Variants in RORA observed in about 807,000 individuals in gnomAD.
RORA encodes RAR related orphan receptor A.
Under a neutral mutation model 69.5 loss-of-function variants are expected in RORA, and 7 were observed. That is an observed-to-expected ratio of 0.10 (90% CI 0.06 to 0.19). The LOEUF is 0.19. Among genes scored for constraint, RORA ranks in the 10% least tolerant of loss-of-function variants. The pLI is 1.00. For missense variants in RORA, 457 were observed against 663.0 expected, an observed-to-expected ratio of 0.69 and a Z score of 3.41; for synonymous variants, 261 against 240.8, an observed-to-expected ratio of 1.08 and a Z score of -0.78.
chr15:61,124,775 ACCCCT>A (rs1397262979), intron 1 of RORA, among the ~76,000 whole-genome samples: 2 of 152,074 alleles, frequency 1.3e-5, no homozygotes, highest in Non-Finnish European at 2.9e-5. Context: ...CAAAGACTGA[ACCCCT>A]CTCTGAGCCT....
chr15:60,978,984 C>T (rs1479197071), intron 1 of RORA, among the ~76,000 whole-genome samples: 6 of 10,530 alleles, frequency 5.7e-4, no homozygotes, highest in Non-Finnish European at 1.5e-3. Flanking sequence ...TTTTTTGAGA[C>T]GGAGTCTTGC....
At chr15:60,791,615 G>A (rs113537033) in intron 1 of RORA, among the ~76,000 whole-genome samples, 6 of 152,364 alleles carry the variant, frequency 3.9e-5, no homozygotes, top group African/African-American at 1.4e-4. Context: ...GGGAACTGCA[G>A]AGGCAGCAAG....
chr15:61,178,930 T>A (rs939982889), intron 1 of RORA, among the ~76,000 whole-genome samples: 3 of 152,240 alleles, frequency 2.0e-5, no homozygotes, highest in African/African-American at 7.2e-5. Context: ...CATTATTTAA[T>A]GTTTTAACAT....
chr15:60,869,902 C>G (rs908199436), intron 1 of RORA, among the ~76,000 whole-genome samples: 1 of 152,162 alleles, frequency 6.6e-6, no homozygotes, highest in African/African-American at 2.4e-5. Flanking sequence ...GAGGAGGCAA[C>G]TTGACTAGGA....
Position 60,569,163 on chromosome 15 carries a change from C to G in RORA, c.197-37312G>C, listed in dbSNP as rs2067803687. On this transcript the variant is annotated intron_variant, in intron 2 of 10. Coordinates refer to ENST00000335670, the MANE Select transcript of RORA (RefSeq NM_134261.3). ...GAAAGTGCCTTGTTCATTTTGCACT[C>G]CTTCTCAAAAGAAACCACTGAGGTG... is the stretch of plus-strand genomic sequence containing the variant. Among the ~76,000 whole-genome samples, 5 of 151,816 alleles carry G rather than the reference C, an allele frequency of 3.3e-5. No homozygotes were observed. The South Asian group carries it at 8.4e-4, about 25-fold the overall frequency.
intron 1 of RORA, among the ~76,000 whole-genome samples, chr15:60,865,533 C>T (rs1173261823): frequency 6.6e-6 from 1 of 152,166 alleles, no homozygotes; most frequent in Non-Finnish European, 1.5e-5. Flanking sequence ...ACCTCAATGC[C>T]CTGCTGTTAC....
chr15:60,758,657 T>A (rs2071837311), intron 1 of RORA, among the ~76,000 whole-genome samples: 1 of 152,184 alleles, frequency 6.6e-6, no homozygotes, highest in Non-Finnish European at 1.5e-5. Context: ...AAAGTGGTGA[T>A]GATCAAGTGA....
At chr15:60,816,753 T>A (rs2072822508) in intron 1 of RORA, among the ~76,000 whole-genome samples, 1 of 151,712 alleles carries the variant, frequency 6.6e-6, no homozygotes, top group African/African-American at 2.4e-5. Context: ...TAAAATAAAA[T>A]AAAATAAAGT....
At chr15:60,577,644 CAAAAA>C (rs34467661) in intron 2 of RORA, among the ~76,000 whole-genome samples, 3 of 104,770 alleles carry the variant, frequency 2.9e-5, no homozygotes, top group Non-Finnish European at 6.0e-5. Context: ...ACTCTGTTTC[CAAAAA>C]AAAAAAAAAA....
At chr15:60,912,987 CATAAT>C (rs1222335965) in intron 1 of RORA, among the ~76,000 whole-genome samples, 5 of 151,968 alleles carry the variant, frequency 3.3e-5, no homozygotes, top group Admixed American at 2.6e-4. Flanking sequence ...CAACCATTAC[CATAAT>C]TTAGTTTTAG....
chr15:60,562,692 C>T (rs1188989946), intron 2 of RORA, among the ~76,000 whole-genome samples: 1 of 151,776 alleles, frequency 6.6e-6, no homozygotes, highest in Non-Finnish European at 1.5e-5. Flanking sequence ...GTGATCCACC[C>T]GCCTTGGCCT....
chr15:60,597,541 A>G (rs1260971132), intron 2 of RORA, among the ~76,000 whole-genome samples: 4 of 61,280 alleles, frequency 6.5e-5, no homozygotes, highest in African/African-American at 1.3e-4. Flanking sequence ...ACACACACAC[A>G]CACACACAAC....
chr15:60,941,292 C>T (rs897993873), intron 1 of RORA, among the ~76,000 whole-genome samples: 5 of 152,190 alleles, frequency 3.3e-5, no homozygotes, highest in Admixed American at 6.5e-5. Context: ...GTTCCTTGTC[C>T]TTGAAGTGGA....
At chr15:60,826,778 T>C (rs1309516372) in intron 1 of RORA, among the ~76,000 whole-genome samples, 2 of 114,064 alleles carry the variant, frequency 1.8e-5, no homozygotes, top group African/African-American at 5.4e-5. Flanking sequence ...TCTCTCTCTC[T>C]CTCTCTCTCT....
intron 1 of RORA, among the ~76,000 whole-genome samples, chr15:60,826,373 C>T (rs188637410): frequency 1.3e-5 from 2 of 152,262 alleles, no homozygotes; most frequent in Admixed American, 6.5e-5. Context: ...AACTTGGGTC[C>T]CGGGTGCTAA....
chr15:60,983,619 C>A (rs560489663), intron 1 of RORA, among the ~76,000 whole-genome samples: 1 of 152,188 alleles, frequency 6.6e-6, no homozygotes, highest in African/African-American at 2.4e-5. Flanking sequence ...TTTATCTTAA[C>A]CCAGACACTC....
chr15:60,972,804 T>C (rs1026412229), intron 1 of RORA, among the ~76,000 whole-genome samples: 4 of 152,232 alleles, frequency 2.6e-5, no homozygotes, highest in African/African-American at 9.6e-5. Flanking sequence ...GCATGTTGAT[T>C]CGTCAGCATA....
At chr15:60,886,034 CTTG>C (rs1399493063) in intron 1 of RORA, among the ~76,000 whole-genome samples, 1 of 152,142 alleles carries the variant, frequency 6.6e-6, no homozygotes, top group East Asian at 1.9e-4. Context: ...CACTGTTTGT[CTTG>C]TTGACATTTC....
intron 1 of RORA, chr15:61,195,984 C>G (rs1014675287): frequency 6.6e-6 from 1 of 152,194 alleles, no homozygotes; most frequent in Admixed American, 6.5e-5. Flanking sequence ...GATCAATAAG[C>G]CTACTTGACA....
Sources: allele counts gnomAD v4.1 joint callset (sites outside exome capture counted in the v4.1 genomes callset), GRCh38; gene constraint gnomAD v4.1.1; transcripts MANE v1.5; gene names NCBI Gene and HGNC (gene_info 2026-07-23, HGNC 2026-07-21).